Variants in PCDH11X observed in about 807,000 individuals in gnomAD.
PCDH11X encodes the protein protocadherin 11 X-linked.
Under a neutral mutation model 53.3 loss-of-function variants are expected in PCDH11X, and 18 were observed. The observed-to-expected ratio is 0.34, with a 90% CI of 0.23 to 0.50. PCDH11X has a LOEUF of 0.50. Ranked by LOEUF, PCDH11X falls within the 20% of genes least tolerant of loss-of-function variation. PCDH11X has a pLI of 0.98. For synonymous variants in PCDH11X, 279 were observed against 393.3 expected, an observed-to-expected ratio of 0.71 and a Z score of 3.44; for missense variants, 570 against 1,032.4, an observed-to-expected ratio of 0.55 and a Z score of 6.14.
intron 6 of PCDH11X, among the ~76,000 whole-genome samples, chrX:92,103,359 A>G (rs1040954214): frequency 7.2e-5 from 8 of 111,110 alleles, no homozygotes; most frequent in African/African-American, 2.6e-4. Flanking sequence ...AGGCAAGGGA[A>G]ACAGACCCTT....
rs764940156 is a variant in PCDH11X at position 92,021,863 on chromosome X, A to G, written c.3033+142590A>G. Among the ~76,000 whole-genome samples the G allele has an allele frequency of 7.3e-5, 8 of 108,961 alleles. No individual in the cohort carries two copies. In the East Asian group the frequency reaches 2.5e-3, roughly 33 times the overall value. 94.6% of individuals were successfully genotyped at this position (108,961 alleles called of 115,157 possible). A position where few individuals can be genotyped will look rare whatever the true frequency, so the allele number is the denominator to read the frequency against. On this transcript the variant is annotated intron_variant, in intron 6 of 10. Coordinates refer to ENST00000682573, the MANE Select transcript of PCDH11X (RefSeq NM_032968.5). ...AGGCCAGAAGAGAGTGGGGGCCAATATTCAACATTCTTAAAAAAAAGCATT... is the reference window on the plus strand; with the variant it reads ...AGGCCAGAAGAGAGTGGGGGCCAATGTTCAACATTCTTAAAAAAAAGCATT...
chrX:92,278,497 A>T, intron 8 of PCDH11X, among the ~76,000 whole-genome samples: 1 of 110,533 alleles, frequency 9.0e-6, no homozygotes, highest in Non-Finnish European at 1.9e-5. Context: ...GCCGTTTTAT[A>T]GGATTTGGGA....
chrX:91,913,388 G>A (rs1484930960), intron 6 of PCDH11X, among the ~76,000 whole-genome samples: 1 of 111,415 alleles, frequency 9.0e-6, no homozygotes, highest in East Asian at 2.9e-4. Flanking sequence ...TGAGAGACTG[G>A]CCTCGCCAAC....
intron 5 of PCDH11X, among the ~76,000 whole-genome samples, chrX:91,863,983 G>A (rs899043230): frequency 1.8e-5 from 2 of 111,535 alleles, no homozygotes; most frequent in African/African-American, 6.5e-5. Flanking sequence ...ACTTTTGATT[G>A]GTTCATTGTT....
At chrX:92,361,224 C>G (rs1253847513) in intron 8 of PCDH11X, among the ~76,000 whole-genome samples, 1 of 108,798 alleles carries the variant, frequency 9.2e-6, no homozygotes. Flanking sequence ...AGAAGTATAT[C>G]TCTCCTTTCA....
In PCDH11X at chrX:92,201,155, CT is replaced by C. The variant is rs773014723; in HGVS notation, c.3034-212del. 4.0e-4 allele frequency: 54 copies of C among 133,352 alleles called. 1 individual carries two copies. In the South Asian group the frequency reaches 0.014, roughly 34 times the overall value. The allele number at this position is 133,352 out of a possible 1,213,427, so 11.0% of individuals were successfully genotyped here. ...CTCCATGAGAAAATAAATTTCTTTT[CT>C]TTTTTTTCTCTTTTTTAATTCTAGT... On this transcript the variant is annotated intron_variant, in intron 6 of 10. Coordinates refer to ENST00000682573, the MANE Select transcript of PCDH11X (RefSeq NM_032968.5).
intron 8 of PCDH11X, among the ~76,000 whole-genome samples, chrX:92,323,098 A>C (rs1160895318): frequency 2.7e-5 from 3 of 110,550 alleles, no homozygotes; most frequent in African/African-American, 9.8e-5. Context: ...AGTGCATTGT[A>C]ATAAACAAAT....
intron 9 of PCDH11X, among the ~76,000 whole-genome samples, chrX:92,417,716 G>A (rs1215239039): frequency 1.8e-5 from 2 of 110,107 alleles, no homozygotes; most frequent in African/African-American, 3.3e-5. Flanking sequence ...GAATATTGCA[G>A]AGGCTTAGCT....
intron 6 of PCDH11X, among the ~76,000 whole-genome samples, chrX:91,900,979 T>C (rs1218111717): frequency 2.7e-5 from 3 of 111,398 alleles, no homozygotes; most frequent in Non-Finnish European, 5.6e-5. Context: ...CCTGTGTGTC[T>C]ACTCTGTGTC....
At chrX:92,143,174 G>A (rs187447484) in intron 6 of PCDH11X, among the ~76,000 whole-genome samples, 1 of 111,685 alleles carries the variant, frequency 9.0e-6, no homozygotes, top group East Asian at 2.8e-4. Flanking sequence ...TGGCTACTAG[G>A]GAGGCTGAGG....
rs184583837 is a variant in PCDH11X, at chrX:91,839,983, C to T, written c.540+3939C>T. 5.8e-3 allele frequency among the ~76,000 whole-genome samples: 646 copies of T among 111,652 alleles called. 1 individual carries two copies. Among genetic ancestry groups the T allele is most frequent in the African/African-American group, 0.02 (607 of 30,819 alleles). On this transcript the variant is annotated intron_variant, in intron 5 of 10. Coordinates refer to ENST00000682573, the MANE Select transcript of PCDH11X (RefSeq NM_032968.5). The stretch of plus-strand genomic sequence containing the variant: ...ACTGTTGTTCAGGAGTAGGAAATCA[C>T]AGATCTCTTTAACTTTCACTTTTTA...
chrX:91,916,449 A>G (rs1240309065), intron 6 of PCDH11X, among the ~76,000 whole-genome samples: 2 of 112,038 alleles, frequency 1.8e-5, no homozygotes, highest in Admixed American at 1.9e-4. Context: ...AAAAGAATAG[A>G]GAAGATCCAA....
At chrX:91,985,538 TA>T (rs2062216178) in intron 6 of PCDH11X, among the ~76,000 whole-genome samples, 1 of 111,964 alleles carries the variant, frequency 8.9e-6, no homozygotes, top group Non-Finnish European at 1.9e-5. Flanking sequence ...AAAAAATAAA[TA>T]AAAAGTTTAA....
chrX:91,917,774 A>T (rs1447315072), intron 6 of PCDH11X, among the ~76,000 whole-genome samples: 2 of 108,007 alleles, frequency 1.9e-5, no homozygotes, highest in Non-Finnish European at 3.8e-5. Flanking sequence ...ATTCAATGCC[A>T]TTCCCATCAA....
intron 6 of PCDH11X, among the ~76,000 whole-genome samples, chrX:91,892,012 G>GGTGTGTGTGTGT (rs367707799): frequency 7.2e-5 from 6 of 83,073 alleles, no homozygotes; most frequent in African/African-American, 2.2e-4. Context: ...TAATTAGAGG[G>GGTGTGTGTGTGT]GTGTGTGTGT....
intron 9 of PCDH11X, among the ~76,000 whole-genome samples, chrX:92,393,373 C>T (rs1224061482): frequency 3.6e-5 from 4 of 109,784 alleles, no homozygotes; most frequent in Non-Finnish European, 7.6e-5. Flanking sequence ...AGCTTAATGT[C>T]ATGTGTTTTG....
At chrX:92,617,586 G>A (rs955884872) in intron 10 of PCDH11X, among the ~76,000 whole-genome samples, 9 of 109,747 alleles carry the variant, frequency 8.2e-5, no homozygotes, top group African/African-American at 3.0e-4. Context: ...TTTTATTGAT[G>A]TTTGATATCT....
At chrX:92,425,452 C>A (rs1322581633) in intron 9 of PCDH11X, among the ~76,000 whole-genome samples, 1 of 105,128 alleles carries the variant, frequency 9.5e-6, no homozygotes, top group Non-Finnish European at 2.0e-5. Flanking sequence ...CATTTTTTTT[C>A]ACCTAAGAAA....
chrX:91,931,362 T>A (rs2061382556), intron 6 of PCDH11X, among the ~76,000 whole-genome samples: 1 of 111,279 alleles, frequency 9.0e-6, no homozygotes, highest in South Asian at 3.7e-4. Context: ...AGTCTGCTAA[T>A]GTACTATGAG....
Sources: gnomAD v4.1 joint callset for allele counts (sites outside exome capture counted in the v4.1 genomes callset) on GRCh38, gnomAD v4.1.1 for gene constraint, MANE v1.5 for transcripts, NCBI Gene and HGNC (gene_info 2026-07-23, HGNC 2026-07-21) for gene names.